Variants in KCTD1 observed in about 807,000 individuals in gnomAD.
KCTD1 encodes the protein BTB/POZ domain-containing protein KCTD1.
In KCTD1, 24 loss-of-function variants were observed where a neutral mutation model predicts 66.0. The observed-to-expected ratio is 0.36, with a 90% CI of 0.26 to 0.51. KCTD1 has a LOEUF of 0.51. Among genes scored for constraint, KCTD1 ranks in the 20% least tolerant of loss-of-function variants. The probability of loss-of-function intolerance (pLI) is 0.95; values close to 1 mark genes in which losing one functional copy is unlikely to be tolerated. For synonymous variants in KCTD1, 511 were observed against 517.2 expected, an observed-to-expected ratio of 0.99 and a Z score of 0.16; for missense variants, 943 against 1,205.2, an observed-to-expected ratio of 0.78 and a Z score of 3.22.
chr18:26,490,116 C>G (rs1237978652), intron 2 of KCTD1, among the ~76,000 whole-genome samples: 1 of 152,170 alleles, frequency 6.6e-6, no homozygotes, highest in African/African-American at 2.4e-5. Context: ...GGAAAGGCCT[C>G]ACTCTGCCAG....
At chr18:26,513,168 A>G (rs935546741) in intron 1 of KCTD1, among the ~76,000 whole-genome samples, 3 of 150,366 alleles carry the variant, frequency 2.0e-5, no homozygotes, top group Non-Finnish European at 3.0e-5. Context: ...GTTCACTGCA[A>G]GCTCCGCCTC....
intron 2 of KCTD1, among the ~76,000 whole-genome samples, chr18:26,485,267 G>C (rs912257172): frequency 3.9e-5 from 6 of 152,164 alleles, no homozygotes; most frequent in Non-Finnish European, 7.3e-5. Flanking sequence ...CCATTTTAGA[G>C]GCAAGGACAC....
At chr18:26,561,959 T>A (rs1325071336) in intron 1 of KCTD1, among the ~76,000 whole-genome samples, 2 of 152,214 alleles carry the variant, frequency 1.3e-5, no homozygotes, top group East Asian at 3.9e-4. Flanking sequence ...TCTCCTAGAG[T>A]GCTGATGTTG....
chr18:26,634,417 A>ATG (rs1316534699), intron 1 of KCTD1, among the ~76,000 whole-genome samples: 1 of 152,168 alleles, frequency 6.6e-6, no homozygotes, highest in East Asian at 1.9e-4. Context: ...ATATATATGC[A>ATG]TGTGTGTGTT....
intron 1 of KCTD1, among the ~76,000 whole-genome samples, chr18:26,561,642 C>T (rs1391977433): frequency 6.6e-6 from 1 of 152,218 alleles, no homozygotes; most frequent in Non-Finnish European, 1.5e-5. Context: ...TTGCTCACAG[C>T]CACTGATGAA....
chr18:26,476,375 G>T lies in KCTD1; in HGVS notation c.2133+140C>A. Reference sequence around the variant, plus strand: ...TTAATGGCCATAACCACTATTTCATGAATAGTGAACCATGTCAAAGAGAAC... The same window carrying T: ...TTAATGGCCATAACCACTATTTCATTAATAGTGAACCATGTCAAAGAGAAC... On this transcript the variant is annotated intron_variant, in intron 3 of 4. Coordinates refer to ENST00000580059, the MANE Select transcript of KCTD1 (RefSeq NM_001142730.3). The surrounding 1 kb of genome is among the most constrained non-coding windows in gnomAD (Gnocchi z 4.9). The T allele has an allele frequency of 1.4e-6, 1 of 709,308 alleles. No homozygotes were observed. Among genetic ancestry groups the T allele is most frequent in the Non-Finnish European group, 2.2e-6 (1 of 448,754 alleles). The allele number at this position is 709,308 out of a possible 1,614,324, so 43.9% of individuals were successfully genotyped here.
chr18:26,631,044 C>A (rs985310173), upstream of KCTD1, among the ~76,000 whole-genome samples: 3 of 152,140 alleles, frequency 2.0e-5, no homozygotes, highest in Non-Finnish European at 4.4e-5. Flanking sequence ...ACCTGTCAGA[C>A]AATAGAATCT....
chr18:26,511,650 G>C (rs545426599), intron 1 of KCTD1, among the ~76,000 whole-genome samples: 1 of 152,346 alleles, frequency 6.6e-6, no homozygotes, highest in East Asian at 1.9e-4. Flanking sequence ...CTGAGGTCAA[G>C]TGGCTTAGCC....
intron 1 of KCTD1, among the ~76,000 whole-genome samples, chr18:26,502,051 CTTTT>C (rs1052399037): frequency 6.6e-6 from 1 of 151,948 alleles, no homozygotes; most frequent in African/African-American, 2.4e-5. Flanking sequence ...GAAATTGTAC[CTTTT>C]TTTTCTTTTT....
upstream of KCTD1, among the ~76,000 whole-genome samples, chr18:26,632,845 A>C (rs1422346931): frequency 6.6e-6 from 1 of 152,182 alleles, no homozygotes; most frequent in Non-Finnish European, 1.5e-5. Context: ...ATTGGATATG[A>C]AAATGGAATA....
chr18:26,541,937 A>G (rs1290011710), intron 1 of KCTD1, among the ~76,000 whole-genome samples: 1 of 152,186 alleles, frequency 6.6e-6, no homozygotes, highest in Non-Finnish European at 1.5e-5. Flanking sequence ...CTGAAAATCC[A>G]AAAGAACTTT....
chr18:26,558,316 G>A (rs773067962), intron 1 of KCTD1, among the ~76,000 whole-genome samples: 8 of 152,200 alleles, frequency 5.3e-5, no homozygotes, highest in Non-Finnish European at 1.0e-4. Context: ...AAATGCTGGC[G>A]AGGATGTGGA....
At chr18:26,603,751 A>AAAATAAAT (rs71266966) in intron 1 of KCTD1, among the ~76,000 whole-genome samples, 62 of 146,854 alleles carry the variant, frequency 4.2e-4, no homozygotes, top group South Asian at 1.3e-3. Flanking sequence ...TCAAAAAAAT[A>AAAATAAAT]AAATAAATAA....
At position 26,485,679 on chromosome 18, in the gene KCTD1, CT is replaced by C. The variant is rs534799718; in HGVS notation, c.1989-9021del. Among the ~76,000 whole-genome samples the C allele has an allele frequency of 2.5e-3, 383 of 152,162 alleles. 2 individuals carry two copies. Among genetic ancestry groups the C allele is most frequent in the African/African-American group, 9.0e-3 (373 of 41,512 alleles). ...CAGTTTCTGTTTAGGTTTTCCCTTG[CT>C]TTTTATTTGGGCAGGCAAGCATGAG... is the stretch of plus-strand genomic sequence containing the variant. On this transcript the variant is annotated intron_variant, in intron 2 of 4. Transcript: ENST00000580059.
Position 26,459,693 on chromosome 18 carries a change from G to T in KCTD1, c.2366C>A (p.Ala789Glu). 6.2e-7 allele frequency: 1 copy of T among 1,613,804 alleles called. No homozygotes were observed. Among genetic ancestry groups the T allele is most frequent in the Non-Finnish European group, 8.5e-7 (1 of 1,179,742 alleles). ...IGDVMCNSVN[A>E]GWNHDSTHVI... is the part of the protein sequence containing the mutation. ...GTGCGTCGAGTCGTGATTCCAGCCTGCATTGACAGAGTTACACATCACGTC... is the reference window on the plus strand; with the variant it reads ...GTGCGTCGAGTCGTGATTCCAGCCTTCATTGACAGAGTTACACATCACGTC... Residue 789 changes from alanine to glutamate, a missense_variant, in exon 4 of 5, where the codon GCA (alanine) becomes GAA (glutamate). Ala to Glu is a moderately radical substitution (Grantham distance 107). Transcript: ENST00000580059.
At chr18:26,654,864 G>A (rs1009768883) in intron 1 of KCTD1, among the ~76,000 whole-genome samples, 21 of 152,176 alleles carry the variant, frequency 1.4e-4, no homozygotes, top group Admixed American at 1.2e-3. Context: ...CATTCAGGCA[G>A]CAGCAGGACT....
In KCTD1 at chr18:26,589,191, G is replaced by A. The variant is rs572012435; in HGVS notation, c.-16+39956C>T. 5.3e-5 allele frequency among the ~76,000 whole-genome samples: 8 copies of A among 152,346 alleles called. No individual in the cohort carries two copies. The South Asian group carries it at 1.7e-3, about 32-fold the overall frequency. ...GAGGACAGGATGGTAACGTGAATGT[G>A]AGTGAGGGCAACAGAGAGACAAGAC... On this transcript the variant is annotated intron_variant, in intron 1 of 4. Transcript: ENST00000317932.
chr18:26,646,586 T>A (rs1987930351), intron 1 of KCTD1, among the ~76,000 whole-genome samples: 1 of 152,168 alleles, frequency 6.6e-6, no homozygotes, highest in Admixed American at 6.5e-5. Flanking sequence ...CTCAGCTATA[T>A]GAACACTTCA....
intron 1 of KCTD1, among the ~76,000 whole-genome samples, chr18:26,651,434 G>A (rs4561550): frequency 0.65 from 98,796 of 152,004 alleles, 32,869 homozygotes; most frequent in African/African-American, 0.79. Flanking sequence ...GCAAGAGGAG[G>A]TACAGCTAGG....
Sources: gnomAD v4.1 joint callset for allele counts (sites outside exome capture counted in the v4.1 genomes callset) on GRCh38, gnomAD v4.1.1 for gene constraint, Gnocchi (gnomAD v3.1) non-coding constraint, MANE v1.5 for transcripts, NCBI Gene and HGNC (gene_info 2026-07-23, HGNC 2026-07-21) for gene names.